RBM39: variants seen among roughly 807,000 people sequenced by gnomAD.
The protein encoded by RBM39 is RNA binding motif protein 39, also known as RNA-binding protein 39.
A neutral mutation model predicts 79.6 loss-of-function variants in RBM39; 12 were observed. The ratio of observed to expected loss-of-function variants is 0.15; its 90% CI spans 0.10 to 0.24. The LOEUF (loss-of-function observed/expected upper bound fraction) is 0.24. RBM39 is among the 10% of genes least tolerant of loss of function. The probability of loss-of-function intolerance (pLI) is 1.00; values close to 1 mark genes in which losing one functional copy is unlikely to be tolerated. For synonymous variants in RBM39, 185 were observed against 208.4 expected (o/e 0.89, Z 0.97); for missense variants, 243 against 653.4 (o/e 0.37, Z 6.85).
chr20:35,732,646 C>T (rs2039497447), intron 3 of RBM39: 1 of 156,452 alleles, frequency 6.4e-6, no homozygotes, highest in Admixed American at 6.2e-5. Flanking sequence ...TTGAAAGACA[C>T]CATCCTCTAA....
intron 8 of RBM39, among the ~76,000 whole-genome samples, chr20:35,722,907 C>G (rs2038163751): frequency 4.7e-5 from 7 of 150,520 alleles, no homozygotes; most frequent in Admixed American, 3.3e-4. Flanking sequence ...GCACTACAGC[C>G]TGGGCGACAG....
chr20:35,738,973 G>C lies in RBM39; in HGVS notation c.96C>G (p.Ser32Arg). The change falls in exon 3 of 17, where the codon AGC becomes AGG. Residue 32 changes from serine (S) to arginine (R), a missense_variant. By Grantham distance (110) the Ser-to-Arg change is moderately radical. Around this residue, in one of 4 missense-constraint regions of RBM39, gnomAD observed 115 missense variants for 184.1 expected, o/e 0.62. Coordinates refer to ENST00000253363, the MANE Select transcript of RBM39 (RefSeq NM_184234.3). ...AGCCCCTTCTTAAAACTCACTTTTTGCTACGTTCTTCATGGCCGTTGGCAC... is the reference window on the plus strand; with the variant it reads ...AGCCCCTTCTTAAAACTCACTTTTTCCTACGTTCTTCATGGCCGTTGGCAC... ...LSSANGHEER[S>R]KKRKKSKSRS... 6.2e-7 allele frequency: 1 copy of C among 1,612,758 alleles called. No homozygotes were observed. The highest frequency in any genetic ancestry group is 2.2e-5 in the East Asian group (1 of 44,872).
At position 35,704,139 on chromosome 20, in the gene RBM39, A is replaced by G; in HGVS notation, c.*342T>C. The G allele has an allele frequency of 5.8e-6, 1 of 172,336 alleles. No individual in the cohort carries two copies. Among genetic ancestry groups the G allele is most frequent in the South Asian group, 1.3e-4 (1 of 7,816 alleles). 10.7% of individuals were successfully genotyped at this position (172,336 alleles called of 1,614,324 possible). A position where few individuals can be genotyped will look rare whatever the true frequency, so the allele number is the denominator to read the frequency against. ...ATGTGAAATGTAACCACTGTGTAAAAAGTTAGGCTTCTGAAACATTAAAAA... is the reference window on the plus strand; with the variant it reads ...ATGTGAAATGTAACCACTGTGTAAAGAGTTAGGCTTCTGAAACATTAAAAA... On this transcript the variant is annotated 3_prime_UTR_variant, in exon 17 of 17. Transcript: ENST00000253363.
rs142362157 is a variant in RBM39 at position 35,729,486 on chromosome 20, C to G, written c.338G>C (p.Gly113Ala). Residue 113 changes from glycine (G) to alanine (A), a missense_variant, in exon 5 of 17, where the codon GGG becomes GCG. Gly to Ala is a moderately conservative substitution (Grantham distance 60). Transcript: ENST00000253363. The part of the protein sequence containing the change: ...KFNSAIRGKI[G>A]LPHSIKLSRR... The stretch of plus-strand genomic sequence containing the variant: ...CCTTAATTTGATGCTATGAGGCAAC[C>G]CAATCTTTCCTCGGATGGCACTGTT... 6.2e-7 allele frequency: 1 copy of G among 1,613,530 alleles called. No individual in the cohort carries two copies. The highest frequency in any genetic ancestry group is 1.3e-5 in the African/African-American group (1 of 74,858).
chr20:35,714,125 A>G, intron 11 of RBM39, 60 bp downstream of exon 11: 1 of 1,520,540 alleles, frequency 6.6e-7, no homozygotes, highest in Non-Finnish European at 9.1e-7. Flanking sequence ...TTACATGGCT[A>G]CCTTTCTTTT....
At chr20:35,718,549 T>C (rs2037468022) in intron 9 of RBM39, among the ~76,000 whole-genome samples, 1 of 151,860 alleles carries the variant, frequency 6.6e-6, no homozygotes, top group Non-Finnish European at 1.5e-5. Flanking sequence ...CCGTGACTCA[T>C]GCCTGTAATC....
chr20:35,718,294 G>A (rs2037429032), intron 9 of RBM39, among the ~76,000 whole-genome samples: 1 of 151,710 alleles, frequency 6.6e-6, no homozygotes, highest in South Asian at 2.1e-4. Context: ...AAAAAAAAAC[G>A]GGTAAGGGCT....
Position 35,739,864 on chromosome 20 carries a change from T to C in RBM39, c.52-847A>G, listed in dbSNP as rs1906435684. 1.7e-5 allele frequency: 3 copies of C among 176,472 alleles called. No homozygotes were observed. The South Asian group carries it at 3.3e-4, about 20-fold the overall frequency. The allele number at this position is 176,472 out of a possible 1,614,324, so 10.9% of individuals were successfully genotyped here. On this transcript the variant is annotated intron_variant, in intron 2 of 16. Coordinates refer to ENST00000253363, the MANE Select transcript of RBM39 (RefSeq NM_184234.3). ...TATTTTTAAAAGGTTTAGTGAAATG[T>C]TTATTTTAAAGTTTGATTACATCAG...
At chr20:35,720,036 G>A in intron 9 of RBM39, 1 of 239,222 alleles carries the variant, frequency 4.2e-6, no homozygotes, top group South Asian at 3.4e-5. Context: ...ACTTGCCTCG[G>A]CCTCCCAAAC....
intron 3 of RBM39, among the ~76,000 whole-genome samples, chr20:35,737,827 C>G (rs1479577604): frequency 8.9e-6 from 1 of 112,264 alleles, no homozygotes; most frequent in Non-Finnish European, 1.7e-5. Flanking sequence ...CCAGCCTGGG[C>G]AACAGAGCAA....
chr20:35,704,919 A>T (rs2035535522), intron 15 of RBM39, 173 bp from the exon 16 acceptor site: 2 of 618,552 alleles, frequency 3.2e-6, no homozygotes, highest in Admixed American at 6.5e-5. Flanking sequence ...AATGACTTCT[A>T]CTCTCAAATT....
intron 11 of RBM39, 74 bp downstream of exon 11, chr20:35,714,111 T>G: frequency 7.0e-7 from 1 of 1,436,228 alleles, no homozygotes; most frequent in East Asian, 2.3e-5. Context: ...TTCCCTTTCT[T>G]AGTTTACATG....
Position 35,704,574 on chromosome 20 carries a change from C to A in RBM39, c.1500G>T (p.Met500Ile), listed in dbSNP as rs745322656. The stretch of plus-strand genomic sequence containing the variant: ...GAAGAGGTACATATGCTGCTGTTAT[C>A]ATTTTACCTATTAAAAGAAACAGAC... Reference protein sequence around the residue: ...ALHGRWFAGKMITAAYVPLPT... With the variant: ...ALHGRWFAGKIITAAYVPLPT... The change falls in exon 17 of 17, where the codon ATG becomes ATT. Residue 500 changes from methionine (M) to isoleucine (I), a missense_variant. This residue lies in a region of RBM39 where 48 missense variants were observed against 130.2 expected (regional missense o/e 0.37). Transcript: ENST00000253363. 3 of 1,612,596 alleles carry A rather than the reference C, an allele frequency of 1.9e-6. No homozygotes were observed. The highest frequency in any genetic ancestry group is 2.5e-6 in the Non-Finnish European group (3 of 1,178,708).
intron 10 of RBM39, among the ~76,000 whole-genome samples, chr20:35,715,246 C>T (rs1429670992): frequency 6.6e-6 from 1 of 152,184 alleles, no homozygotes; most frequent in East Asian, 1.9e-4. Context: ...GGCACCATCT[C>T]GGCTCATTGC....
intron 15 of RBM39, 99 bp downstream of exon 15, chr20:35,705,126 T>A: frequency 1.3e-6 from 1 of 744,968 alleles, no homozygotes; most frequent in South Asian, 1.7e-5. Context: ...ACAAAAACTA[T>A]AATGGAAGAC....
intron 4 of RBM39, among the ~76,000 whole-genome samples, 197 bp from the exon 5 acceptor site, chr20:35,729,724 G>A (rs2146672040): frequency 1.3e-5 from 2 of 152,026 alleles, no homozygotes; most frequent in African/African-American, 2.4e-5. Context: ...CTGGACCACT[G>A]AGAGGTGCCA....
At chr20:35,718,852 A>G (rs1053287618) in intron 9 of RBM39, among the ~76,000 whole-genome samples, 1 of 148,862 alleles carries the variant, frequency 6.7e-6, no homozygotes, top group African/African-American at 2.5e-5. Flanking sequence ...GCATGGCGGC[A>G]TGCACCTATA....
intron 3 of RBM39, chr20:35,735,165 C>T: frequency 1.4e-6 from 2 of 1,380,828 alleles, no homozygotes; most frequent in Admixed American, 6.7e-5. Context: ...TATATTTCAA[C>T]TGTGTCATTT....
chr20:35,724,819 A>T, intron 7 of RBM39, 97 bp from the exon 8 acceptor site: 1 of 1,403,564 alleles, frequency 7.1e-7, no homozygotes, highest in Non-Finnish European at 9.7e-7. Context: ...ATTTTTAAAA[A>T]TTTAATTAAA....
Sources: allele counts gnomAD v4.1 joint callset (sites outside exome capture counted in the v4.1 genomes callset), GRCh38; gene constraint gnomAD v4.1.1; regional missense constraint gnomAD v4.1.1; transcripts MANE v1.5; gene names NCBI Gene and HGNC (gene_info 2026-07-23, HGNC 2026-07-21).